The following CNTN5 variants were observed in gnomAD, a reference collection of about 807,000 sequenced individuals.
The protein encoded by CNTN5 is contactin 5.
A neutral mutation model predicts 129.1 loss-of-function variants in CNTN5; 77 were observed. That is an observed-to-expected ratio of 0.60 (90% CI 0.50 to 0.72). CNTN5 has a LOEUF of 0.72. Among genes scored for constraint, CNTN5 ranks in the 30% least tolerant of loss-of-function variants. The probability of loss-of-function intolerance (pLI) is 0.00; values close to 1 mark genes in which losing one functional copy is unlikely to be tolerated. For synonymous variants in CNTN5, 509 were observed against 465.6 expected (o/e 1.09, Z -1.20); for missense variants, 1,478 against 1,328.8 (o/e 1.11, Z -1.75).
intron 2 of CNTN5, among the ~76,000 whole-genome samples, chr11:99,330,366 G>T (rs938780133): frequency 2.0e-5 from 3 of 152,022 alleles, no homozygotes; most frequent in Admixed American, 6.6e-5. Flanking sequence ...GCTCTTGTGG[G>T]ATATAAGACT....
At chr11:99,594,745 G>A (rs980755718) in intron 3 of CNTN5, among the ~76,000 whole-genome samples, 4 of 152,206 alleles carry the variant, frequency 2.6e-5, no homozygotes, top group African/African-American at 4.8e-5. Context: ...TGCTGCTTTA[G>A]ATCAGTACAA....
intron 7 of CNTN5, among the ~76,000 whole-genome samples, chr11:99,928,664 C>T (rs1047649760): frequency 1.3e-5 from 2 of 152,142 alleles, no homozygotes; most frequent in Non-Finnish European, 1.5e-5. Flanking sequence ...GGGCCCTGGG[C>T]CTGGCCCACA....
intron 2 of CNTN5, among the ~76,000 whole-genome samples, chr11:99,370,922 G>T (rs1939780553): frequency 6.6e-6 from 1 of 152,178 alleles, no homozygotes; most frequent in African/African-American, 2.4e-5. Context: ...CTCCTACAGT[G>T]TTTGGGAGAA....
chr11:99,698,925 A>C (rs1055088741), intron 3 of CNTN5, among the ~76,000 whole-genome samples: 1 of 151,290 alleles, frequency 6.6e-6, no homozygotes, highest in Non-Finnish European at 1.5e-5. Flanking sequence ...AAAAAAAAAA[A>C]AAAACTTGAT....
intron 21 of CNTN5, 145 bp downstream of exon 21, chr11:100,308,613 T>A: frequency 7.2e-7 from 1 of 1,393,058 alleles, no homozygotes; most frequent in Non-Finnish European, 9.3e-7. Flanking sequence ...AAATACTATT[T>A]TACTGGGATG....
At chr11:99,933,337 A>G (rs1347601467) in intron 7 of CNTN5, among the ~76,000 whole-genome samples, 1 of 152,110 alleles carries the variant, frequency 6.6e-6, no homozygotes, top group African/African-American at 2.4e-5. Flanking sequence ...ATCATTTTTA[A>G]TTAGTTTTAT....
chr11:99,856,079 A>G (rs1332072276), intron 6 of CNTN5, among the ~76,000 whole-genome samples: 1 of 152,196 alleles, frequency 6.6e-6, no homozygotes, highest in Admixed American at 6.5e-5. Context: ...AAGAAGGCTC[A>G]CTAATTACCT....
chr11:100,122,049 G>C (rs1219316519), intron 13 of CNTN5, among the ~76,000 whole-genome samples: 1 of 151,916 alleles, frequency 6.6e-6, no homozygotes, highest in Admixed American at 6.6e-5. Flanking sequence ...AGGGGAACTG[G>C]TTCATGAAAT....
At chr11:99,713,451 A>G (rs1483206196) in intron 3 of CNTN5, among the ~76,000 whole-genome samples, 14 of 152,006 alleles carry the variant, frequency 9.2e-5, no homozygotes, top group Non-Finnish European at 4.4e-5. Context: ...AACAGAGAGA[A>G]TTTGACTTCC....
intron 13 of CNTN5, among the ~76,000 whole-genome samples, chr11:100,164,914 G>A (rs1179382639): frequency 6.6e-6 from 1 of 151,634 alleles, no homozygotes; most frequent in Admixed American, 6.6e-5. Context: ...AAAAATCAAG[G>A]GAGATATTAC....
intron 2 of CNTN5, among the ~76,000 whole-genome samples, chr11:99,483,072 A>G (rs1351865155): frequency 7.1e-6 from 1 of 140,080 alleles, no homozygotes; most frequent in Non-Finnish European, 1.5e-5. Flanking sequence ...GCTACTGGGG[A>G]GGCTGAGGCA....
intron 18 of CNTN5, among the ~76,000 whole-genome samples, chr11:100,289,810 A>T (rs1459962576): frequency 2.0e-5 from 3 of 150,400 alleles, no homozygotes; most frequent in Non-Finnish European, 3.0e-5. Context: ...GGAAAAGAGG[A>T]AGTCAAATTG....
intron 1 of CNTN5, among the ~76,000 whole-genome samples, chr11:99,293,298 G>C (rs969634209): frequency 2.2e-4 from 34 of 152,062 alleles, no homozygotes; most frequent in African/African-American, 8.0e-4. Context: ...CATGGTGAAT[G>C]ATCTTTTTAA....
At chr11:100,004,839 T>C (rs933423950) in intron 9 of CNTN5, among the ~76,000 whole-genome samples, 3 of 152,158 alleles carry the variant, frequency 2.0e-5, no homozygotes, top group African/African-American at 7.2e-5. Flanking sequence ...ACAGCCTTTA[T>C]ATAAGAACAC....
intron 3 of CNTN5, among the ~76,000 whole-genome samples, chr11:99,610,190 G>A (rs1285156849): frequency 2.6e-5 from 4 of 152,100 alleles, no homozygotes; most frequent in East Asian, 1.9e-4. Context: ...AGGATTAAGC[G>A]AATATTAAGT....
At chr11:100,348,350 C>T (rs996691829) in intron 23 of CNTN5, among the ~76,000 whole-genome samples, 1 of 151,974 alleles carries the variant, frequency 6.6e-6, no homozygotes, top group African/African-American at 2.4e-5. Flanking sequence ...AGTAGATCTA[C>T]ATATATGTAT....
At chr11:99,823,874 A>G (rs764190046) in intron 4 of CNTN5, among the ~76,000 whole-genome samples, 2 of 152,038 alleles carry the variant, frequency 1.3e-5, no homozygotes, top group African/African-American at 4.8e-5. Flanking sequence ...TGTGAAGCCT[A>G]TAAAGTACAT....
At chr11:100,206,995 T>C (rs1421718807) in intron 15 of CNTN5, among the ~76,000 whole-genome samples, 1 of 152,062 alleles carries the variant, frequency 6.6e-6, no homozygotes, top group African/African-American at 2.4e-5. Flanking sequence ...AATATATCAA[T>C]GTCAGGAAAA....
chr11:99,693,730 G>T (rs1419125442), intron 3 of CNTN5, among the ~76,000 whole-genome samples: 1 of 152,120 alleles, frequency 6.6e-6, no homozygotes, highest in African/African-American at 2.4e-5. Flanking sequence ...TGACAGACGA[G>T]ATTGTTTCTT....
Sources: allele counts gnomAD v4.1 joint callset (sites outside exome capture counted in the v4.1 genomes callset), GRCh38; gene constraint gnomAD v4.1.1; transcripts MANE v1.5; gene names NCBI Gene and HGNC (gene_info 2026-07-23, HGNC 2026-07-21).